ASCC3: variants seen among roughly 807,000 people sequenced by gnomAD.
ASCC3 encodes activating signal cointegrator 1 complex subunit 3, also known as ASC-1 complex subunit P200.
ASCC3 carries 158 observed loss-of-function variants against 256.3 expected under a neutral mutation model. That is an observed-to-expected ratio of 0.62 (90% CI 0.54 to 0.70). The LOEUF is 0.70. Among genes scored for constraint, ASCC3 ranks in the 30% least tolerant of loss-of-function variants. The pLI, the probability that ASCC3 is intolerant of heterozygous loss-of-function variation, is 0.00. For missense variants in ASCC3, 2,259 were observed against 2,626.0 expected (o/e 0.86, Z 3.05); for synonymous variants, 948 against 883.4 (o/e 1.07, Z -1.30).
rs139107252 is a variant in ASCC3 at position 100,841,143 on chromosome 6, G to T, written c.801+7005C>A. Among the ~76,000 whole-genome samples the T allele has an allele frequency of 3.0e-4, 45 of 152,168 alleles. No individual in the cohort carries two copies. In the East Asian group the frequency reaches 7.0e-3, roughly 24 times the overall value. On this transcript the variant is annotated intron_variant, in intron 4 of 41. Transcript: ENST00000369162. ...TTTTGCTTGCATCTTCTCCTACAGA[G>T]AATATTAGCTTAAAACAGAAAAGAG...
At chr6:100,846,359 G>A (rs1306560459) in intron 4 of ASCC3, among the ~76,000 whole-genome samples, 2 of 152,126 alleles carry the variant, frequency 1.3e-5, no homozygotes, top group Non-Finnish European at 2.9e-5. Context: ...TTATGACAAT[G>A]ATTGTCCATT....
intron 10 of ASCC3, among the ~76,000 whole-genome samples, chr6:100,753,517 AAAC>A (rs1192563779): frequency 6.6e-6 from 1 of 151,832 alleles, no homozygotes; most frequent in East Asian, 1.9e-4. Context: ...TTAAAAAAAA[AAAC>A]AGTCTTGCTA....
At chr6:100,614,973 T>A (rs1308380186) in intron 30 of ASCC3, among the ~76,000 whole-genome samples, 1 of 152,144 alleles carries the variant, frequency 6.6e-6, no homozygotes, top group African/African-American at 2.4e-5. Context: ...TGTTGTTTGC[T>A]CGTTTGATAT....
intron 4 of ASCC3, among the ~76,000 whole-genome samples, chr6:100,809,785 G>GAA (rs1210417451): frequency 6.6e-6 from 1 of 151,970 alleles, no homozygotes; most frequent in East Asian, 1.9e-4. Flanking sequence ...AGCACATTTG[G>GAA]AAAGTCATAA....
At chr6:100,525,157 A>T in intron 37 of ASCC3, among the ~76,000 whole-genome samples, 1 of 11,226 alleles carries the variant, frequency 8.9e-5, no homozygotes, top group Non-Finnish European at 1.7e-4. Flanking sequence ...ACCCTGTCTC[A>T]AAAAAAAAAA....
At chr6:100,849,144 T>C (rs1445522094) in intron 3 of ASCC3, among the ~76,000 whole-genome samples, 1 of 152,068 alleles carries the variant, frequency 6.6e-6, no homozygotes, top group African/African-American at 2.4e-5. Flanking sequence ...AGATAGCCAA[T>C]TTAAGGAGCA....
intron 29 of ASCC3, among the ~76,000 whole-genome samples, chr6:100,627,021 G>C (rs956550469): frequency 6.6e-6 from 1 of 152,034 alleles, no homozygotes; most frequent in African/African-American, 2.4e-5. Context: ...CCTCACAACT[G>C]TCACCACACA....
chr6:100,794,156 G>C (rs373798899), intron 8 of ASCC3, among the ~76,000 whole-genome samples: 20 of 151,982 alleles, frequency 1.3e-4, no homozygotes, highest in African/African-American at 4.8e-4. Flanking sequence ...CTTCAACTTT[G>C]TGTTGCAGCC....
At chr6:100,788,521 T>G (rs1769197140) in intron 8 of ASCC3, among the ~76,000 whole-genome samples, 1 of 151,864 alleles carries the variant, frequency 6.6e-6, no homozygotes, top group Non-Finnish European at 1.5e-5. Flanking sequence ...ATGAACAGTT[T>G]AAGTCATAAT....
intron 1 of ASCC3, among the ~76,000 whole-genome samples, chr6:100,878,171 C>T (rs1769081770): frequency 6.6e-6 from 1 of 152,196 alleles, no homozygotes; most frequent in Non-Finnish European, 1.5e-5. Context: ...AGTTAGGAAA[C>T]ACATCTGAAG....
rs370433063 is a variant in ASCC3, at chr6:100,864,123, C to T, written c.182G>A (p.Ser61Asn). Residue 61 changes from serine to asparagine, a missense_variant, in exon 3 of 42, where the codon AGT becomes AAT. By Grantham distance (46) the Ser-to-Asn change is conservative (BLOSUM62 1). Coordinates refer to ENST00000369162, the MANE Select transcript of ASCC3 (RefSeq NM_006828.4). ...IKFLNEKLEK[S>N]KMQSINEDLK... ...GTCTTCATTTATACTTTGCATTTTA[C>T]TCTTCTCCAGTTTTTCATTCAAAAA... 1.2e-6 allele frequency: 2 copies of T among 1,603,962 alleles called. No homozygotes were observed. The highest frequency in any genetic ancestry group is 1.7e-6 in the Non-Finnish European group (2 of 1,173,204).
At chr6:100,831,545 A>G (rs1771619156) in intron 4 of ASCC3, among the ~76,000 whole-genome samples, 1 of 152,116 alleles carries the variant, frequency 6.6e-6, no homozygotes, top group African/African-American at 2.4e-5. Context: ...ACTAGAGCTA[A>G]TCTTAATGGA....
intron 30 of ASCC3, among the ~76,000 whole-genome samples, chr6:100,618,349 G>C (rs967216070): frequency 6.6e-6 from 1 of 152,152 alleles, no homozygotes; most frequent in Non-Finnish European, 1.5e-5. Context: ...GGACAGAAAG[G>C]CACAAGTTTT....
rs149246440 is a variant in ASCC3, at chr6:100,540,138, T to C, written c.5775+25A>G. ...CAGGAATGATGGGAGAAAACACACA[T>C]AGGTATTAGAAATGACTTTCATACC... On this transcript the variant is annotated intron_variant, in intron 37 of 41. Transcript: ENST00000369162. The C allele has an allele frequency of 1.3e-3, 1,985 of 1,570,612 alleles. 14 individuals carry two copies. The African/African-American group carries it at 0.023, about 18-fold the overall frequency.
At chr6:100,770,280 C>T (rs1185841501) in intron 8 of ASCC3, among the ~76,000 whole-genome samples, 1 of 151,758 alleles carries the variant, frequency 6.6e-6, no homozygotes, top group East Asian at 1.9e-4. Flanking sequence ...TTTTTTTGGT[C>T]TTAATCTTAG....
chr6:100,577,625 G>A (rs554990366), intron 36 of ASCC3, among the ~76,000 whole-genome samples: 2 of 152,060 alleles, frequency 1.3e-5, no homozygotes, highest in East Asian at 3.9e-4. Flanking sequence ...CATCCTTAGA[G>A]CATCACACTG....
At chr6:100,536,863 T>C (rs2114656043) in intron 37 of ASCC3, among the ~76,000 whole-genome samples, 1 of 152,296 alleles carries the variant, frequency 6.6e-6, no homozygotes, top group East Asian at 1.9e-4. Context: ...CAGCACAAGA[T>C]GCCAGAATGC....
chr6:100,811,610 A>G lies in ASCC3; in HGVS notation c.802-5730T>C, dbSNP rs139263875. 4.3e-4 allele frequency among the ~76,000 whole-genome samples: 66 copies of G among 152,262 alleles called. No individual in the cohort carries two copies. The East Asian group carries it at 0.011, about 26-fold the overall frequency. On this transcript the variant is annotated intron_variant, in intron 4 of 41. Transcript: ENST00000369162. ...TCTTTTGTCTTTAACAAGAGAAAGAAAAAACCTCGATATAAAAAAAAACCT... is the reference window on the plus strand; with the variant it reads ...TCTTTTGTCTTTAACAAGAGAAAGAGAAAACCTCGATATAAAAAAAAACCT...
intron 4 of ASCC3, among the ~76,000 whole-genome samples, chr6:100,823,018 A>G (rs1562322727): frequency 6.6e-6 from 1 of 152,224 alleles, no homozygotes; most frequent in Admixed American, 6.5e-5. Context: ...AAAAAAGCAC[A>G]TTATTTTTTA....
Sources: gnomAD v4.1 joint callset for allele counts (sites outside exome capture counted in the v4.1 genomes callset) on GRCh38, gnomAD v4.1.1 for gene constraint, MANE v1.5 for transcripts, NCBI Gene and HGNC (gene_info 2026-07-23, HGNC 2026-07-21) for gene names.